Variants in ALPL observed in about 807,000 individuals in gnomAD.
ALPL encodes the protein alkaline phosphatase, tissue-nonspecific isozyme.
Under a neutral mutation model 51.3 loss-of-function variants are expected in ALPL, and 42 were observed. The observed-to-expected ratio is 0.82, with a 90% confidence interval of 0.64 to 1.06. The LOEUF is 1.06. Ranked by LOEUF, ALPL falls within the 50% of genes least tolerant of loss-of-function variation. ALPL has a pLI of 0.00. For missense variants in ALPL, 589 were observed against 709.4 expected, an observed-to-expected ratio of 0.83 and a Z score of 1.93; for synonymous variants, 279 against 296.4, an observed-to-expected ratio of 0.94 and a Z score of 0.60.
intron 11 of ALPL, 138 bp downstream of exon 11, chr1:21,576,779 C>A: frequency 8.3e-7 from 1 of 1,209,214 alleles, no homozygotes; most frequent in Non-Finnish European, 1.2e-6. Flanking sequence ...ATTGTTGAGT[C>A]CCAGGTTGTT....
chr1:21,525,742 C>T (rs1360406572), intron 1 of ALPL, among the ~76,000 whole-genome samples: 2 of 152,240 alleles, frequency 1.3e-5, no homozygotes, highest in Admixed American at 6.5e-5. Flanking sequence ...AGTCCCAGCA[C>T]TTTGGGAGGC....
At chr1:21,573,023 G>C (rs1279011393) in intron 8 of ALPL, among the ~76,000 whole-genome samples, 1 of 152,224 alleles carries the variant, frequency 6.6e-6, no homozygotes, top group Non-Finnish European at 1.5e-5. Flanking sequence ...TTGAACCCCA[G>C]ATCTGCCACT....
At chr1:21,513,795 T>C (rs554716608) in intron 1 of ALPL, among the ~76,000 whole-genome samples, 76 of 152,346 alleles carry the variant, frequency 5.0e-4, no homozygotes, top group African/African-American at 1.7e-3. Flanking sequence ...TGGCTTCTCT[T>C]GAAAGATCAG....
rs1161988233 is a variant in ALPL at position 21,509,542 on chromosome 1, C to T, written c.-105+25C>T. The T allele has an allele frequency of 2.0e-5, 3 of 152,230 alleles. No homozygotes were observed. The highest frequency in any genetic ancestry group is 7.2e-5 in the African/African-American group (3 of 41,448). The allele number at this position is 152,230 out of a possible 1,614,324, so 9.4% of individuals were successfully genotyped here. On this transcript the variant is annotated intron_variant, in intron 1 of 11. Coordinates refer to ENST00000374840, the MANE Select transcript of ALPL (RefSeq NM_000478.6). This position sits in a 1 kb window ranked among gnomAD's most constrained non-coding sequence, Gnocchi z 6.0. ...GGTAAGGATTCGACGCTGCCCCGCG[C>T]CCTGGTTCCCCAGGGCCCCAGCGGA...
chr1:21,550,669 C>G (rs903404464), intron 1 of ALPL, among the ~76,000 whole-genome samples: 1 of 152,142 alleles, frequency 6.6e-6, no homozygotes, highest in African/African-American at 2.4e-5. Context: ...TAAACCGAAC[C>G]GCACCAGCAC....
intron 10 of ALPL, 99 bp downstream of exon 10, chr1:21,576,023 G>T (rs867335592): frequency 7.0e-7 from 1 of 1,425,390 alleles, no homozygotes; most frequent in Middle Eastern, 1.8e-4. Context: ...AGAGCATGGT[G>T]GGGACTCAAT....
intron 2 of ALPL, among the ~76,000 whole-genome samples, chr1:21,556,138 A>G (rs1289276081): frequency 1.3e-5 from 2 of 152,142 alleles, no homozygotes; most frequent in African/African-American, 2.4e-5. Context: ...TGGTGTTTTC[A>G]GGACACTAGG....
intron 4 of ALPL, 78 bp from the exon 5 acceptor site, chr1:21,563,032 A>C: frequency 4.5e-6 from 7 of 1,570,430 alleles, no homozygotes; most frequent in Non-Finnish European, 6.1e-6. Context: ...CCCAGTCCCC[A>C]TGGTGTGAGT....
At chr1:21,568,528 T>G (rs1428529421) in intron 7 of ALPL, among the ~76,000 whole-genome samples, 1 of 151,906 alleles carries the variant, frequency 6.6e-6, no homozygotes, top group African/African-American at 2.4e-5. Context: ...CTATTGTATG[T>G]AGGCACCTGG....
intron 1 of ALPL, among the ~76,000 whole-genome samples, chr1:21,539,215 C>T (rs980090048): frequency 2.0e-5 from 3 of 152,098 alleles, no homozygotes; most frequent in South Asian, 2.1e-4. Flanking sequence ...GCTGTGTGAC[C>T]TTGGGCATGC....
intron 6 of ALPL, among the ~76,000 whole-genome samples, 183 bp from the exon 7 acceptor site, chr1:21,567,921 C>T (rs1233548523): frequency 6.6e-6 from 1 of 152,118 alleles, no homozygotes; most frequent in East Asian, 1.9e-4. Flanking sequence ...CCAATAGACT[C>T]GTGATTTCAT....
At chr1:21,523,335 T>C (rs1643902847) in intron 1 of ALPL, among the ~76,000 whole-genome samples, 1 of 152,060 alleles carries the variant, frequency 6.6e-6, no homozygotes. Flanking sequence ...GGGAATAAGC[T>C]CATTTGTCCA....
chr1:21,554,024 C>G lies in ALPL; in HGVS notation c.-58C>G. The G allele has an allele frequency of 8.2e-7, 1 of 1,215,128 alleles. No homozygotes were observed. The highest frequency in any genetic ancestry group is 1.2e-6 in the Non-Finnish European group (1 of 822,488). 75.3% of individuals were successfully genotyped at this position (1,215,128 alleles called of 1,614,324 possible). A position where few individuals can be genotyped will look rare whatever the true frequency, so the allele number is the denominator to read the frequency against. On this transcript the variant is annotated 5_prime_UTR_variant, in exon 2 of 12. Transcript: ENST00000374840. ...CTGACCACTGCCAGCCCACCCCCTC[C>G]CACCCACGTCGATTGCATCTCTGGG...
At chr1:21,559,480 A>C (rs964819222) in intron 2 of ALPL, among the ~76,000 whole-genome samples, 2 of 152,194 alleles carry the variant, frequency 1.3e-5, no homozygotes, top group Non-Finnish European at 1.5e-5. Context: ...ACTGAGGCTG[A>C]GGGAGGTGAC....
chr1:21,569,989 A>C (rs1644623078), intron 7 of ALPL, among the ~76,000 whole-genome samples: 1 of 151,952 alleles, frequency 6.6e-6, no homozygotes. Context: ...AGCCTTCCTG[A>C]CCCTAGGCTG....
chr1:21,574,134 C>T (rs191761285), intron 9 of ALPL: 5 of 985,484 alleles, frequency 5.1e-6, no homozygotes, highest in Middle Eastern at 5.2e-4. Context: ...AAAAGCAAAT[C>T]CGCAGGCCCC....
chr1:21,524,460 C>T (rs556943953), intron 1 of ALPL, among the ~76,000 whole-genome samples: 9 of 152,010 alleles, frequency 5.9e-5, no homozygotes, highest in Admixed American at 5.2e-4. Context: ...ATAGCTACCG[C>T]ACTCCAGCCT....
chr1:21,528,166 C>A (rs1307182254), intron 1 of ALPL, among the ~76,000 whole-genome samples: 1 of 151,374 alleles, frequency 6.6e-6, no homozygotes, highest in Non-Finnish European at 1.5e-5. Flanking sequence ...ACTGCAGGTG[C>A]ACAACACCAC....
intron 1 of ALPL, chr1:21,551,386 A>G (rs1400652969): frequency 6.6e-6 from 1 of 152,218 alleles, no homozygotes; most frequent in Non-Finnish European, 1.5e-5. Flanking sequence ...GTGGTGTTAT[A>G]TTGGAATGAG....
Sources: allele counts gnomAD v4.1 joint callset (sites outside exome capture counted in the v4.1 genomes callset), GRCh38; gene constraint gnomAD v4.1.1; non-coding constraint Gnocchi (gnomAD v3.1); transcripts MANE v1.5; gene names NCBI Gene and HGNC (gene_info 2026-07-23, HGNC 2026-07-21).